Variants in SYT16 observed in about 807,000 individuals in gnomAD.
SYT16 encodes synaptotagmin 16.
A neutral mutation model predicts 61.4 loss-of-function variants in SYT16; 42 were observed. The observed-to-expected ratio is 0.68, with a 90% CI of 0.53 to 0.89. SYT16 has a LOEUF of 0.89. Ranked by LOEUF, SYT16 falls within the 40% of genes least tolerant of loss-of-function variation. SYT16 has a pLI of 0.00. For synonymous variants in SYT16, 314 were observed against 302.3 expected (o/e 1.04, Z -0.40); for missense variants, 804 against 807.3 (o/e 1.00, Z 0.05).
chr14:62,043,156 C>G (rs2054809515), intron 3 of SYT16, among the ~76,000 whole-genome samples: 1 of 144,486 alleles, frequency 6.9e-6, no homozygotes, highest in African/African-American at 2.6e-5. Flanking sequence ...TTCTTGCTTT[C>G]CAGTTCATGT....
Position 61,996,119 on chromosome 14 carries a change from A to G in SYT16, c.100A>G (p.Met34Val), listed in dbSNP as rs114920425. The G allele has an allele frequency of 6.2e-7, 1 of 1,613,318 alleles. No homozygotes were observed. Among genetic ancestry groups the G allele is most frequent in the African/African-American group, 1.3e-5 (1 of 74,996 alleles). ...TGAAGCTCTCCAGCAAGCAGGAGAT[A>G]TGTTATCTGCTTCGCTGGTTAACAT... The part of the protein sequence containing the change: ...VYEALQQAGD[M>V]LSASLVNISK... Residue 34 changes from methionine to valine, a missense_variant, in exon 3 of 8, where the codon ATG becomes GTG. Met to Val is a conservative substitution (Grantham distance 21). Transcript: ENST00000683842.
chr14:61,841,181 G>C (rs1225072028), intron 1 of SYT16, among the ~76,000 whole-genome samples: 1 of 152,174 alleles, frequency 6.6e-6, no homozygotes, highest in Non-Finnish European at 1.5e-5. Context: ...TCTGGAAATA[G>C]TTTGACCTTC....
chr14:61,866,176 C>T (rs748816344), intron 1 of SYT16, among the ~76,000 whole-genome samples: 6 of 151,768 alleles, frequency 4.0e-5, no homozygotes, highest in Non-Finnish European at 8.8e-5. Flanking sequence ...TATGAATACT[C>T]GTGTATAAGT....
chr14:61,990,967 TA>T, intron 2 of SYT16, among the ~76,000 whole-genome samples: 1 of 152,330 alleles, frequency 6.6e-6, no homozygotes, highest in Middle Eastern at 3.4e-3. Flanking sequence ...TGATCTTAAT[TA>T]AAATAGAATT....
chr14:61,831,992 G>A (rs1333224353), intron 1 of SYT16: 7 of 637,452 alleles, frequency 1.1e-5, no homozygotes, highest in South Asian at 7.8e-5. Context: ...GGATGGGGCC[G>A]TACACACAGC....
At chr14:61,910,720 G>C (rs1481250046) in intron 1 of SYT16, among the ~76,000 whole-genome samples, 3 of 151,672 alleles carry the variant, frequency 2.0e-5, no homozygotes, top group Admixed American at 6.6e-5. Flanking sequence ...GTAGAGACAG[G>C]GTTTCACTAT....
chr14:61,816,686 G>A (rs1379016576), intron 1 of SYT16, among the ~76,000 whole-genome samples: 1 of 152,134 alleles, frequency 6.6e-6, no homozygotes, highest in Non-Finnish European at 1.5e-5. Context: ...ATCCCTCTCT[G>A]CTGCAGAGAG....
intron 1 of SYT16, among the ~76,000 whole-genome samples, chr14:61,906,400 A>C (rs2048711544): frequency 6.6e-6 from 1 of 152,210 alleles, no homozygotes; most frequent in East Asian, 1.9e-4. Flanking sequence ...CTCCCATCTC[A>C]GCCTTCTGAG....
intron 3 of SYT16, among the ~76,000 whole-genome samples, chr14:62,058,454 T>A (rs1256910460): frequency 6.6e-6 from 1 of 150,924 alleles, no homozygotes; most frequent in East Asian, 2.0e-4. Context: ...GCGTCCCAGG[T>A]TCTTCTGTGA....
chr14:62,091,562 C>T (rs1174904174), intron 7 of SYT16, among the ~76,000 whole-genome samples: 3 of 152,156 alleles, frequency 2.0e-5, no homozygotes, highest in Admixed American at 1.3e-4. Flanking sequence ...ATAGTGACTC[C>T]AAATGATTTT....
chr14:61,975,599 G>A (rs982742677), intron 2 of SYT16, among the ~76,000 whole-genome samples: 1 of 152,122 alleles, frequency 6.6e-6, no homozygotes, highest in Admixed American at 6.6e-5. Flanking sequence ...GATCTTGTGA[G>A]AACTCACTCA....
At chr14:62,008,136 T>C (rs749098324) in intron 3 of SYT16, among the ~76,000 whole-genome samples, 1 of 152,096 alleles carries the variant, frequency 6.6e-6, no homozygotes, top group Admixed American at 6.6e-5. Context: ...TATGGAGATA[T>C]TATCCTCTTC....
intron 1 of SYT16, among the ~76,000 whole-genome samples, chr14:61,884,287 G>T (rs1319555980): frequency 6.6e-6 from 1 of 152,124 alleles, no homozygotes; most frequent in African/African-American, 2.4e-5. Flanking sequence ...CCATTCATCA[G>T]CAATAAGTCT....
chr14:61,935,038 G>T (rs1454423326), intron 1 of SYT16, among the ~76,000 whole-genome samples: 1 of 152,044 alleles, frequency 6.6e-6, no homozygotes, highest in Non-Finnish European at 1.5e-5. Context: ...TGATATGTAT[G>T]GGAAAATGAT....
chr14:61,842,966 C>T (rs2046342654), intron 1 of SYT16, among the ~76,000 whole-genome samples: 1 of 152,074 alleles, frequency 6.6e-6, no homozygotes, highest in Non-Finnish European at 1.5e-5. Context: ...ATCACATTTT[C>T]TTTATCCACG....
intron 2 of SYT16, among the ~76,000 whole-genome samples, chr14:61,974,815 C>G (rs2051715757): frequency 1.3e-5 from 2 of 152,212 alleles, no homozygotes; most frequent in African/African-American, 4.8e-5. Context: ...TACATTGAGG[C>G]AAAGCTAGTG....
chr14:61,979,633 C>T (rs2051974604), intron 2 of SYT16, among the ~76,000 whole-genome samples: 1 of 152,148 alleles, frequency 6.6e-6, no homozygotes, highest in Admixed American at 6.5e-5. Context: ...CCTGTAATCC[C>T]AGCACTTTGG....
chr14:62,090,022 G>A (rs2057016770), intron 7 of SYT16, among the ~76,000 whole-genome samples: 1 of 152,168 alleles, frequency 6.6e-6, no homozygotes, highest in South Asian at 2.1e-4. Context: ...CTCAACATTT[G>A]ATTTAACCTC....
rs367886897 is a variant in SYT16, at chr14:61,997,512, G to A, written c.523+970G>A. Among the ~76,000 whole-genome samples, 25 of 152,122 alleles carry A rather than the reference G, an allele frequency of 1.6e-4. No individual in the cohort carries two copies. The East Asian group carries it at 3.5e-3, about 21-fold the overall frequency. ...GAAAAGTTTTATCCAGATATATGAA[G>A]TCTTGGCATATAAAGAAACACAATT... On this transcript the variant is annotated intron_variant, in intron 3 of 7. Coordinates refer to ENST00000683842, the MANE Select transcript of SYT16 (RefSeq NM_001367656.1).
Sources: gnomAD v4.1 joint callset for allele counts (sites outside exome capture counted in the v4.1 genomes callset) on GRCh38, gnomAD v4.1.1 for gene constraint, MANE v1.5 for transcripts, NCBI Gene and HGNC (gene_info 2026-07-23, HGNC 2026-07-21) for gene names.